The following RAD51D variants were observed in gnomAD, a reference collection of about 807,000 sequenced individuals.
RAD51D encodes RAD51 paralog D, also known as DNA repair protein RAD51 homolog 4.
In RAD51D, 38 loss-of-function variants were observed where a neutral mutation model predicts 44.1. That is an observed-to-expected ratio of 0.86 (90% confidence interval 0.67 to 1.13). The LOEUF (loss-of-function observed/expected upper bound fraction) is 1.13, where lower values mean the gene tolerates loss of function less well. RAD51D is among the 50% of genes most tolerant of loss of function. The probability of loss-of-function intolerance (pLI) is 0.00; values close to 1 mark genes in which losing one functional copy is unlikely to be tolerated. For missense variants in RAD51D, 390 were observed against 414.0 expected, an observed-to-expected ratio of 0.94 and a Z score of 0.50; for synonymous variants, 141 against 166.6, an observed-to-expected ratio of 0.85 and a Z score of 1.18.
chr17:35,108,794 T>C (rs910004257), intron 3 of RAD51D, among the ~76,000 whole-genome samples: 11 of 152,050 alleles, frequency 7.2e-5, no homozygotes, highest in African/African-American at 1.7e-4. Flanking sequence ...ATCTCTATTA[T>C]GTTATTTCAA....
intron 3 of RAD51D, among the ~76,000 whole-genome samples, chr17:35,111,373 G>C (rs2091674188): frequency 6.7e-6 from 1 of 149,726 alleles, no homozygotes; most frequent in African/African-American, 2.5e-5. Context: ...AAAAAAGAGA[G>C]AGAGAGAAAC....
intron 3 of RAD51D, among the ~76,000 whole-genome samples, chr17:35,107,921 GT>G (rs1447036387): frequency 2.7e-5 from 4 of 150,564 alleles, no homozygotes; most frequent in Non-Finnish European, 5.9e-5. Flanking sequence ...TACCCGACTA[GT>G]TTTTTTAATT....
chr17:35,108,041 C>T (rs1453537460), intron 3 of RAD51D, among the ~76,000 whole-genome samples: 2 of 151,868 alleles, frequency 1.3e-5, no homozygotes, highest in East Asian at 1.9e-4. Context: ...TGAGTCACCA[C>T]GCCCAGCTGT....
Position 35,100,653 on chromosome 17 carries a change from A to T in RAD51D, c.*300T>A, listed in dbSNP as rs1223359669. On this transcript the variant is annotated 3_prime_UTR_variant, in exon 10 of 10. Transcript: ENST00000345365. ...ATCCATCCAGTCGCCAGCATGCCTCATCAGAGATGCTCCCAGCCAGGGTGA... is the reference window on the plus strand; with the variant it reads ...ATCCATCCAGTCGCCAGCATGCCTCTTCAGAGATGCTCCCAGCCAGGGTGA... 1.7e-6 allele frequency: 1 copy of T among 573,068 alleles called. No individual in the cohort carries two copies. The highest frequency in any genetic ancestry group is 1.6e-5 in the South Asian group (1 of 61,908). The allele number at this position is 573,068 out of a possible 1,614,324, so 35.5% of individuals were successfully genotyped here. A position where few individuals can be genotyped will look rare whatever the true frequency, so the allele number is the denominator to read the frequency against.
chr17:35,105,219 A>T (rs1237558441), intron 6 of RAD51D, among the ~76,000 whole-genome samples: 1 of 152,176 alleles, frequency 6.6e-6, no homozygotes, highest in Non-Finnish European at 1.5e-5. Context: ...AAAGTGAGGT[A>T]AGCACTACTC....
chr17:35,096,197 A>T lies in RAD51D; in HGVS notation c.*4756T>A, dbSNP rs896747921. On this transcript the variant is annotated 3_prime_UTR_variant, in exon 10 of 10. Coordinates refer to ENST00000345365, the MANE Select transcript of RAD51D (RefSeq NM_002878.4). Reference sequence around the variant, plus strand: ...TGTCTTTTAACACCTTGTTTTCTTAATTTTTATTATTTTATTTTATAGAGA... The same window carrying T: ...TGTCTTTTAACACCTTGTTTTCTTATTTTTTATTATTTTATTTTATAGAGA... The T allele has an allele frequency of 6.6e-6, 1 of 152,080 alleles. No individual in the cohort carries two copies. Among genetic ancestry groups the T allele is most frequent in the Non-Finnish European group, 1.5e-5 (1 of 68,010 alleles). The allele number at this position is 152,080 out of a possible 1,614,324, so 9.4% of individuals were successfully genotyped here.
intron 3 of RAD51D, among the ~76,000 whole-genome samples, chr17:35,118,068 G>A (rs1246922157): frequency 2.0e-5 from 3 of 152,222 alleles, no homozygotes; most frequent in Non-Finnish European, 4.4e-5. Context: ...GGCCAGAGAA[G>A]ATGGTGAAAA....
rs786203407 is a variant in RAD51D at position 35,107,379 on chromosome 17, C to T, written c.332G>A (p.Ser111Asn). ...EVTEIVGGPG[S>N]GKTQVCLCMA... The stretch of plus-strand genomic sequence containing the variant: ...CCTCACATGTACCTGAGTTTTGCCG[C>T]TACCTGGGCCTCCTACAATTTCAGT... The change falls in exon 4 of 10, where the codon AGC becomes AAC. Residue 111 changes from serine (S) to asparagine (N), a missense_variant. By Grantham distance (46) the Ser-to-Asn change is conservative. Coordinates refer to ENST00000345365, the MANE Select transcript of RAD51D (RefSeq NM_002878.4). 6.4e-7 allele frequency: 1 copy of T among 1,558,804 alleles called. No homozygotes were observed. The highest frequency in any genetic ancestry group is 8.9e-7 in the Non-Finnish European group (1 of 1,129,756).
chr17:35,107,421 A>G lies in RAD51D; in HGVS notation c.290T>C (p.Leu97Pro). 1.3e-6 allele frequency: 2 copies of G among 1,561,524 alleles called. No homozygotes were observed. Among genetic ancestry groups the G allele is most frequent in the Non-Finnish European group, 1.8e-6 (2 of 1,132,186 alleles). Residue 97 changes from leucine (L) to proline (P), a missense_variant, in exon 4 of 10, where the codon CTC (leucine) becomes CCC (proline). Transcript: ENST00000345365. ...GSLDKLLDAG[L>P]YTGEVTEIVG... ...AATTTCAGTCACTTCTCCAGTATAG[A>G]GACCAGCATCAAGCAGTTTATCAAG...
At chr17:35,112,355 C>T (rs545057310) in intron 3 of RAD51D, among the ~76,000 whole-genome samples, 1 of 152,222 alleles carries the variant, frequency 6.6e-6, no homozygotes, top group East Asian at 1.9e-4. Flanking sequence ...GGATTACAGG[C>T]GTGAACCACC....
At chr17:35,105,314 G>A (rs993044407) in intron 6 of RAD51D, among the ~76,000 whole-genome samples, 4 of 151,652 alleles carry the variant, frequency 2.6e-5, no homozygotes, top group Admixed American at 1.3e-4. Flanking sequence ...TTTTAAAGAC[G>A]GGGTCTAGCT....
chr17:35,106,286 C>T, intron 6 of RAD51D, 100 bp downstream of exon 6: 3 of 982,848 alleles, frequency 3.1e-6, no homozygotes, highest in East Asian at 2.4e-5. Context: ...CACCAGATTG[C>T]ACATCTGCAT....
chr17:35,095,607 A>G lies in RAD51D; in HGVS notation c.*5346T>C, dbSNP rs2091481886. 1 of 152,248 alleles carries G rather than the reference A, an allele frequency of 6.6e-6. No individual in the cohort carries two copies. The highest frequency in any genetic ancestry group is 1.9e-4 in the East Asian group (1 of 5,198). 9.4% of individuals were successfully genotyped at this position (152,248 alleles called of 1,614,324 possible). On this transcript the variant is annotated 3_prime_UTR_variant, in exon 10 of 10. Coordinates refer to ENST00000345365, the MANE Select transcript of RAD51D (RefSeq NM_002878.4). ...GAGTTCGAGACCAGCCATGGCCAAC[A>G]TGATGAAACCCCATCTCTACTAAAA...
rs1390812423 is a variant in RAD51D at position 35,107,094 on chromosome 17, G to A, written c.374C>T (p.Ala125Val). ...QVCLCMAANV[A>V]HGLQQNVLYV... ...TAGGACGTTTTGCTGCAGGCCATGG[G>A]CCACATTTGCTGCCATACAGAGACA... is the stretch of plus-strand genomic sequence containing the variant. The change falls in exon 5 of 10, where the codon GCC becomes GTC. Residue 125 changes from alanine (A) to valine (V), a missense_variant. Ala to Val is a moderately conservative substitution (Grantham distance 64). Coordinates refer to ENST00000345365, the MANE Select transcript of RAD51D (RefSeq NM_002878.4). 7 of 1,613,902 alleles carry A rather than the reference G, an allele frequency of 4.3e-6. No homozygotes were observed. The Admixed American group carries it at 1.0e-4, about 23-fold the overall frequency.
chr17:35,118,310 T>C (rs2091772603), intron 3 of RAD51D, among the ~76,000 whole-genome samples, 191 bp downstream of exon 3: 1 of 152,024 alleles, frequency 6.6e-6, no homozygotes, highest in African/African-American at 2.4e-5. Context: ...TAAATATCAA[T>C]AGTGCCAAGG....
chr17:35,099,950 G>A lies in RAD51D; in HGVS notation c.*1003C>T, dbSNP rs1409570434. ...TGTGGTACAGCTGGCAGGAAGAGAG[G>A]TGTAATTATATTGCATCTTGGAGCC... On this transcript the variant is annotated 3_prime_UTR_variant, in exon 10 of 10. Coordinates refer to ENST00000345365, the MANE Select transcript of RAD51D (RefSeq NM_002878.4). The A allele has an allele frequency of 1.9e-6, 1 of 526,608 alleles. No homozygotes were observed. The highest frequency in any genetic ancestry group is 3.7e-6 in the Non-Finnish European group (1 of 271,588). The allele number at this position is 526,608 out of a possible 1,614,324, so 32.6% of individuals were successfully genotyped here. A position where few individuals can be genotyped will look rare whatever the true frequency, so the allele number is the denominator to read the frequency against.
Position 35,100,764 on chromosome 17 carries a change from G to A in RAD51D, c.*189C>T, listed in dbSNP as rs1363195503. On this transcript the variant is annotated 3_prime_UTR_variant, in exon 10 of 10. Transcript: ENST00000345365. ...TGAATTTCTGGGTCCTCGCAATGCAGCATCCTCTTTCGCCTGTGGTTTATA... is the reference window on the plus strand; with the variant it reads ...TGAATTTCTGGGTCCTCGCAATGCAACATCCTCTTTCGCCTGTGGTTTATA... 2.9e-6 allele frequency: 2 copies of A among 694,554 alleles called. No individual in the cohort carries two copies. The highest frequency in any genetic ancestry group is 3.5e-5 in the African/African-American group (2 of 56,992). 43.0% of individuals were successfully genotyped at this position (694,554 alleles called of 1,614,324 possible). A position where few individuals can be genotyped will look rare whatever the true frequency, so the allele number is the denominator to read the frequency against.
chr17:35,117,731 G>A (rs150097339), intron 3 of RAD51D, among the ~76,000 whole-genome samples: 4 of 152,198 alleles, frequency 2.6e-5, no homozygotes, highest in East Asian at 1.9e-4. Context: ...TCAAACTCCC[G>A]GCCTCCAGTG....
Position 35,107,099 on chromosome 17 carries a change from A to G in RAD51D, c.369T>C (p.Asn123=), listed in dbSNP as rs2142433717. 1 of 1,614,042 alleles carries G rather than the reference A, an allele frequency of 6.2e-7. No homozygotes were observed. The highest frequency in any genetic ancestry group is 8.5e-7 in the Non-Finnish European group (1 of 1,179,998). The change falls in exon 5 of 10, where the codon AAT becomes AAC. Residue 123 remains asparagine (N), a synonymous_variant. Transcript: ENST00000345365. ...KTQVCLCMAA[N]VAHGLQQNVL... is the part of the protein sequence containing the mutation. ...CGTTTTGCTGCAGGCCATGGGCCACATTTGCTGCCATACAGAGACATACCT... is the reference window on the plus strand; with the variant it reads ...CGTTTTGCTGCAGGCCATGGGCCACGTTTGCTGCCATACAGAGACATACCT...
Sources: allele counts gnomAD v4.1 joint callset (sites outside exome capture counted in the v4.1 genomes callset), GRCh38; gene constraint gnomAD v4.1.1; transcripts MANE v1.5; gene names NCBI Gene and HGNC (gene_info 2026-07-23, HGNC 2026-07-21).